The following C16orf87 variants were observed in gnomAD, a reference collection of about 807,000 sequenced individuals.
C16orf87 encodes HDAC and MIER1 interacting protein 1, also known as UPF0547 protein C16orf87.
A neutral mutation model predicts 21.0 loss-of-function variants in C16orf87; 13 were observed. The observed-to-expected ratio is 0.62, with a 90% CI of 0.40 to 0.98. The LOEUF (loss-of-function observed/expected upper bound fraction) is 0.98. Ranked by LOEUF, C16orf87 falls within the 50% of genes least tolerant of loss-of-function variation. The probability of loss-of-function intolerance (pLI) is 0.00; values close to 1 mark genes in which losing one functional copy is unlikely to be tolerated. For missense variants in C16orf87, 113 were observed against 180.4 expected (o/e 0.63, Z 2.14); for synonymous variants, 49 against 60.2 (o/e 0.81, Z 0.86).
intron 2 of C16orf87, among the ~76,000 whole-genome samples, chr16:46,816,701 G>A (rs1350775097): frequency 1.3e-5 from 2 of 152,176 alleles, no homozygotes; most frequent in African/African-American, 4.8e-5. Flanking sequence ...ATCTTGTTCT[G>A]TTAAAGAGGA....
chr16:46,824,556 C>T, intron 1 of C16orf87, 74 bp from the exon 2 acceptor site: 2 of 579,744 alleles, frequency 3.4e-6, no homozygotes, highest in Non-Finnish European at 5.9e-6. Flanking sequence ...TATGTGGTCT[C>T]CTCAAATGAA....
Position 46,798,244 on chromosome 16 carries a change from T to C in C16orf87, c.*4708A>G, listed in dbSNP as rs994319377. The C allele has an allele frequency of 2.0e-5, 3 of 152,146 alleles. No individual in the cohort carries two copies. The highest frequency in any genetic ancestry group is 7.2e-5 in the African/African-American group (3 of 41,436). The allele number at this position is 152,146 out of a possible 1,614,324, so 9.4% of individuals were successfully genotyped here. On this transcript the variant is annotated 3_prime_UTR_variant, in exon 4 of 4. Coordinates refer to ENST00000285697, the MANE Select transcript of C16orf87 (RefSeq NM_001001436.4). ...AGAGCAGGTTCTTACAAAAGAGAAA[T>C]GCAGCCGGGCACGGTGGCTCATGCC...
At chr16:46,827,256 A>G (rs559835681) in intron 1 of C16orf87, among the ~76,000 whole-genome samples, 1 of 152,228 alleles carries the variant, frequency 6.6e-6, no homozygotes, top group African/African-American at 2.4e-5. Context: ...AAAAAACAAA[A>G]AACACACCAC....
At chr16:46,820,824 T>C (rs1448998586) in intron 2 of C16orf87, among the ~76,000 whole-genome samples, 2 of 152,342 alleles carry the variant, frequency 1.3e-5, no homozygotes, top group East Asian at 3.9e-4. Context: ...ACCAACAGTA[T>C]GAGACTATCC....
At position 46,824,833 on chromosome 16, in the gene C16orf87, T is replaced by C. The variant is rs561527203; in HGVS notation, c.67-351A>G. 3.9e-5 allele frequency among the ~76,000 whole-genome samples: 6 copies of C among 152,136 alleles called. No individual in the cohort carries two copies. In the South Asian group the frequency reaches 8.3e-4, roughly 21 times the overall value. ...GGCACACGCTACCATGCCCAGCTAA[T>C]TTTTGTATTTTTAGTAGAGATGGGG... On this transcript the variant is annotated intron_variant, in intron 1 of 3. Coordinates refer to ENST00000285697, the MANE Select transcript of C16orf87 (RefSeq NM_001001436.4).
At chr16:46,818,918 C>T (rs1275144346) in intron 2 of C16orf87, among the ~76,000 whole-genome samples, 1 of 152,256 alleles carries the variant, frequency 6.6e-6, no homozygotes, top group Non-Finnish European at 1.5e-5. Context: ...GAAATATCCT[C>T]TTCATAGGGC....
rs775521070 is a variant in C16orf87 at position 46,809,815 on chromosome 16, T to C, written c.164-30A>G. On this transcript the variant is annotated intron_variant, in intron 2 of 3. Transcript: ENST00000285697. ...ATGGATGAATAAAAGTGATATATTT[T>C]AGGGCTTAGCAAGAACTGTTTGCCC... The C allele has an allele frequency of 3.4e-6, 5 of 1,474,412 alleles. No individual in the cohort carries two copies. In the South Asian group the frequency reaches 4.8e-5, roughly 14 times the overall value. The allele number at this position is 1,474,412 out of a possible 1,614,324, so 91.3% of individuals were successfully genotyped here.
At chr16:46,811,231 C>T (rs772865512) in intron 2 of C16orf87, among the ~76,000 whole-genome samples, 3 of 152,112 alleles carry the variant, frequency 2.0e-5, no homozygotes, top group East Asian at 1.9e-4. Context: ...AGGCCAGGCG[C>T]GGTGGCTCAC....
intron 2 of C16orf87, among the ~76,000 whole-genome samples, chr16:46,823,232 G>A (rs1959486771): frequency 6.6e-6 from 1 of 152,074 alleles, no homozygotes; most frequent in African/African-American, 2.4e-5. Flanking sequence ...CATTTTCTCT[G>A]TATATTTGTT....
At chr16:46,811,358 C>T (rs1968078210) in intron 2 of C16orf87, among the ~76,000 whole-genome samples, 1 of 151,948 alleles carries the variant, frequency 6.6e-6, no homozygotes, top group Admixed American at 6.6e-5. Flanking sequence ...ACAAAATTAG[C>T]TGGGTGTGGT....
chr16:46,826,730 AT>A (rs1213798466), intron 1 of C16orf87, among the ~76,000 whole-genome samples: 1 of 152,164 alleles, frequency 6.6e-6, no homozygotes, highest in East Asian at 1.9e-4. Context: ...GATGTCTGAC[AT>A]TTTTTCAAAT....
intron 1 of C16orf87, among the ~76,000 whole-genome samples, chr16:46,829,982 A>G (rs1959779595): frequency 6.6e-6 from 1 of 151,588 alleles, no homozygotes. Flanking sequence ...AGTCATTTTG[A>G]AAAAATCCAC....
At chr16:46,807,137 A>G (rs987408737) in intron 3 of C16orf87, among the ~76,000 whole-genome samples, 5 of 152,232 alleles carry the variant, frequency 3.3e-5, no homozygotes, top group African/African-American at 1.2e-4. Context: ...ATGGTTTACA[A>G]CAAAGATTGG....
chr16:46,802,855 T>C lies in C16orf87; in HGVS notation c.*97A>G. ...CGAGAAAGAAACAATCGATGGCCCT[T>C]ATTGATGCAGTCAGAATGCTCCTGA... On this transcript the variant is annotated 3_prime_UTR_variant, in exon 4 of 4. Transcript: ENST00000285697. The C allele has an allele frequency of 2.9e-6, 2 of 693,202 alleles. No homozygotes were observed. The highest frequency in any genetic ancestry group is 5.2e-6 in the Non-Finnish European group (2 of 382,620). 42.9% of individuals were successfully genotyped at this position (693,202 alleles called of 1,614,324 possible). A position where few individuals can be genotyped will look rare whatever the true frequency, so the allele number is the denominator to read the frequency against.
rs767222337 is a variant in C16orf87 at position 46,802,926 on chromosome 16, G to A, written c.*26C>T. On this transcript the variant is annotated 3_prime_UTR_variant, in exon 4 of 4. Transcript: ENST00000285697. ...ATTTGCTGATGTTATCCTGACAGAA[G>A]TTTCAGCAGATTTTGCAAACAAGTA... 3.6e-6 allele frequency: 4 copies of A among 1,103,598 alleles called. No individual in the cohort carries two copies. Among genetic ancestry groups the A allele is most frequent in the Non-Finnish European group, 4.2e-6 (3 of 718,494 alleles). 68.4% of individuals were successfully genotyped at this position (1,103,598 alleles called of 1,614,324 possible). A position where few individuals can be genotyped will look rare whatever the true frequency, so the allele number is the denominator to read the frequency against.
In C16orf87 at chr16:46,798,226, G is replaced by A. The variant is rs1201936324; in HGVS notation, c.*4726C>T. ...GCAAAATATCAATAAACCAGAGCAG[G>A]TTCTTACAAAAGAGAAATGCAGCCG... is the stretch of plus-strand genomic sequence containing the variant. On this transcript the variant is annotated 3_prime_UTR_variant, in exon 4 of 4. Coordinates refer to ENST00000285697, the MANE Select transcript of C16orf87 (RefSeq NM_001001436.4). 2.0e-5 allele frequency: 3 copies of A among 152,212 alleles called. No individual in the cohort carries two copies. The highest frequency in any genetic ancestry group is 7.2e-5 in the African/African-American group (3 of 41,448). The allele number at this position is 152,212 out of a possible 1,614,324, so 9.4% of individuals were successfully genotyped here.
chr16:46,820,350 T>C (rs189788313), intron 2 of C16orf87, among the ~76,000 whole-genome samples: 3 of 152,372 alleles, frequency 2.0e-5, no homozygotes, highest in African/African-American at 4.8e-5. Context: ...TCCTTGACTC[T>C]GTACTTGTTA....
At position 46,799,520 on chromosome 16, in the gene C16orf87, C is replaced by T. The variant is rs1447366730; in HGVS notation, c.*3432G>A. On this transcript the variant is annotated 3_prime_UTR_variant, in exon 4 of 4. Transcript: ENST00000285697. ...ACTAGCAAGAATATAAGGCATCAAA[C>T]CAAACTAGAAGGTAAAGTGGAAATA... is the stretch of plus-strand genomic sequence containing the variant. 3 of 152,012 alleles carry T rather than the reference C, an allele frequency of 2.0e-5. No individual in the cohort carries two copies. The highest frequency in any genetic ancestry group is 6.3e-3 in the Middle Eastern group (2 of 316). The allele number at this position is 152,012 out of a possible 1,614,324, so 9.4% of individuals were successfully genotyped here.
chr16:46,825,500 T>C (rs1285233077), intron 1 of C16orf87, among the ~76,000 whole-genome samples: 1 of 152,238 alleles, frequency 6.6e-6, no homozygotes, highest in Non-Finnish European at 1.5e-5. Context: ...AATATAGACA[T>C]GCAATGCGTA....
Sources: allele counts gnomAD v4.1 joint callset (sites outside exome capture counted in the v4.1 genomes callset), GRCh38; gene constraint gnomAD v4.1.1; transcripts MANE v1.5; gene names NCBI Gene and HGNC (gene_info 2026-07-23, HGNC 2026-07-21).